ADARB2: variants seen among roughly 807,000 people sequenced by gnomAD.
ADARB2 encodes adenosine deaminase RNA specific B2 (inactive).
Under a neutral mutation model 62.2 loss-of-function variants are expected in ADARB2, and 25 were observed. The ratio of observed to expected loss-of-function variants is 0.40; its 90% confidence interval spans 0.29 to 0.56. The LOEUF (loss-of-function observed/expected upper bound fraction) is 0.56. ADARB2 is among the 20% of genes least tolerant of loss of function. The probability of loss-of-function intolerance (pLI) is 0.43; values close to 1 mark genes in which losing one functional copy is unlikely to be tolerated. For synonymous variants in ADARB2, 572 were observed against 500.8 expected, an observed-to-expected ratio of 1.14 and a Z score of -1.90; for missense variants, 1,071 against 1,077.4, an observed-to-expected ratio of 0.99 and a Z score of 0.08.
rs535267378 is a variant in ADARB2, at chr10:1,625,273, C to T, written c.100+111778G>A. Among the ~76,000 whole-genome samples, 229 of 152,304 alleles carry T rather than the reference C, an allele frequency of 1.5e-3. 1 individual carries two copies. Among genetic ancestry groups the T allele is most frequent in the Non-Finnish European group, 2.6e-3 (179 of 68,026 alleles). The stretch of plus-strand genomic sequence containing the variant: ...CCTGTGCGGAGCCTGAGGCTGAACT[C>T]GCCATCTTTACACTCCTTTAAGGGA... On this transcript the variant is annotated intron_variant, in intron 1 of 9. Coordinates refer to ENST00000381312, the MANE Select transcript of ADARB2 (RefSeq NM_018702.4).
rs1446702936 is a variant in ADARB2, at chr10:1,547,821, T to G, written c.101-168661A>C. Among the ~76,000 whole-genome samples, 4 of 145,182 alleles carry G rather than the reference T, an allele frequency of 2.8e-5. No individual in the cohort carries two copies. The East Asian group carries it at 6.1e-4, about 22-fold the overall frequency. On this transcript the variant is annotated intron_variant, in intron 1 of 9. Coordinates refer to ENST00000381312, the MANE Select transcript of ADARB2 (RefSeq NM_018702.4). ...CAAGAGGCTGCACAGGTGTATACAC[T>G]GTGGGGAGGGGGAGATAGGCATTGG...
chr10:1,720,289 C>T (rs1835073897), intron 1 of ADARB2, among the ~76,000 whole-genome samples: 1 of 152,122 alleles, frequency 6.6e-6, no homozygotes, highest in Admixed American at 6.5e-5. Context: ...AAACCAAATA[C>T]CACATGTTCT....
rs1832587143 is a variant in ADARB2, at chr10:1,393,470, A to AT, written c.101-14311dup. ...TAGGTCTTTTTCATTCTTCCCAGTT[A>AT]TTTTTTGTGGGTACGCATTAGCCAT... On this transcript the variant is annotated intron_variant, in intron 1 of 9. Transcript: ENST00000381312. Among the ~76,000 whole-genome samples the AT allele has an allele frequency of 2.0e-5, 3 of 152,204 alleles. No individual in the cohort carries two copies. The South Asian group carries it at 6.2e-4, about 32-fold the overall frequency.
At position 1,276,654 on chromosome 10, in the gene ADARB2, A is replaced by ATTGTG. The variant is rs1327749766; in HGVS notation, c.1078-5586_1078-5585insCACAA. Among the ~76,000 whole-genome samples, 98 of 152,300 alleles carry ATTGTG rather than the reference A, an allele frequency of 6.4e-4. No homozygotes were observed. In the Middle Eastern group the frequency reaches 0.01, roughly 16 times the overall value. ...AGACTTAGACTCCCAAACAATAATA[A>ATTGTG]CGGGAGACTTTAACACCCCACTGTC... On this transcript the variant is annotated intron_variant, in intron 3 of 9. Transcript: ENST00000381312.
chr10:1,266,065 T>TC (rs1180372707), intron 4 of ADARB2, among the ~76,000 whole-genome samples: 2 of 105,564 alleles, frequency 1.9e-5, no homozygotes, highest in Non-Finnish European at 3.8e-5. Flanking sequence ...AGGTCCACGC[T>TC]CCCCCGGAAG....
intron 2 of ADARB2, among the ~76,000 whole-genome samples, chr10:1,367,685 T>G (rs1381945993): frequency 1.3e-5 from 2 of 152,312 alleles, no homozygotes; most frequent in East Asian, 3.9e-4. Flanking sequence ...CATACCAGAT[T>G]GCATAGAGAT....
chr10:1,414,708 C>T (rs1193896982), intron 1 of ADARB2, among the ~76,000 whole-genome samples: 1 of 152,196 alleles, frequency 6.6e-6, no homozygotes, highest in African/African-American at 2.4e-5. Flanking sequence ...CACGATGGCC[C>T]CTGGTCCCAC....
At chr10:1,390,855 A>ACTCAGGC (rs1302683681) in intron 1 of ADARB2, among the ~76,000 whole-genome samples, 2 of 152,234 alleles carry the variant, frequency 1.3e-5, no homozygotes, top group African/African-American at 4.8e-5. Flanking sequence ...TGGGATCAGA[A>ACTCAGGC]CTGTGAGCCT....
Position 1,267,136 on chromosome 10 carries a change from TAAAA to T in ADARB2, c.1192+3815_1192+3818del, listed in dbSNP as rs551410020. Among the ~76,000 whole-genome samples, 7 of 129,534 alleles carry T rather than the reference TAAAA, an allele frequency of 5.4e-5. No homozygotes were observed. In the East Asian group the frequency reaches 6.8e-4, roughly 13 times the overall value. 85.0% of individuals were successfully genotyped at this position (129,534 alleles called of 152,430 possible). On this transcript the variant is annotated intron_variant, in intron 4 of 9. Transcript: ENST00000381312. ...CCTAAACATATTCTTAAATCCAAGTTAAAAAAAAAAAAAAAACCTTTCCCCCTCC... is the reference window on the plus strand; with the variant it reads ...CCTAAACATATTCTTAAATCCAAGTTAAAAAAAAAAAACCTTTCCCCCTCC...
At chr10:1,721,081 G>A (rs1005881658) in intron 1 of ADARB2, among the ~76,000 whole-genome samples, 9 of 152,322 alleles carry the variant, frequency 5.9e-5, no homozygotes, top group African/African-American at 2.2e-4. Context: ...CTCGCTTGAA[G>A]GAAATGCAGG....
intron 1 of ADARB2, among the ~76,000 whole-genome samples, chr10:1,494,100 C>G (rs1227929898): frequency 6.6e-6 from 1 of 152,016 alleles, no homozygotes; most frequent in African/African-American, 2.4e-5. Flanking sequence ...TTACAAGAGA[C>G]CAGAATGATC....
At chr10:1,221,574 C>T (rs1428857897) in intron 6 of ADARB2, among the ~76,000 whole-genome samples, 1 of 151,724 alleles carries the variant, frequency 6.6e-6, no homozygotes, top group Non-Finnish European at 1.5e-5. Context: ...CCCCTCACCC[C>T]ACCCCACCAC....
chr10:1,531,250 G>C (rs1334084543), intron 1 of ADARB2, among the ~76,000 whole-genome samples: 1 of 152,166 alleles, frequency 6.6e-6, no homozygotes, highest in Non-Finnish European at 1.5e-5. Context: ...TTGCCTTTTT[G>C]GGAGTGCAGG....
In ADARB2 at chr10:1,375,233, C is replaced by T. The variant is rs531574089; in HGVS notation, c.187+3841G>A. Among the ~76,000 whole-genome samples the T allele has an allele frequency of 3.3e-4, 50 of 152,300 alleles. 1 individual carries two copies. Among genetic ancestry groups the T allele is most frequent in the Middle Eastern group, 6.8e-3 (2 of 294 alleles). On this transcript the variant is annotated intron_variant, in intron 2 of 9. Coordinates refer to ENST00000381312, the MANE Select transcript of ADARB2 (RefSeq NM_018702.4). ...ACTGGGTCGGATCCCAACCTCTGGG[C>T]GGTGGTCAGCAGAGAGGTTACAGTG...
At chr10:1,531,395 G>C (rs1832237809) in intron 1 of ADARB2, among the ~76,000 whole-genome samples, 1 of 152,222 alleles carries the variant, frequency 6.6e-6, no homozygotes, top group African/African-American at 2.4e-5. Flanking sequence ...TGGGCCTCTG[G>C]CTGTTGACAG....
At chr10:1,192,446 G>T (rs1670201149) in intron 8 of ADARB2, among the ~76,000 whole-genome samples, 1 of 152,160 alleles carries the variant, frequency 6.6e-6, no homozygotes. Flanking sequence ...TTATGGATTT[G>T]GGGTAACTAA....
intron 1 of ADARB2, among the ~76,000 whole-genome samples, chr10:1,710,915 G>A (rs1834942476): frequency 6.6e-6 from 1 of 151,744 alleles, no homozygotes; most frequent in South Asian, 2.1e-4. Context: ...CCTGTCCGGT[G>A]GTCCTGCAGG....
intron 3 of ADARB2, among the ~76,000 whole-genome samples, chr10:1,328,145 C>T (rs376900883): frequency 2.6e-5 from 4 of 152,314 alleles, no homozygotes; most frequent in East Asian, 3.9e-4. Context: ...GCGCAGGCTC[C>T]GGAAATGTTG....
rs112179593 is a variant in ADARB2 at position 1,378,956 on chromosome 10, A to G, written c.187+118T>C. ...GAGAGCAGATACTGTCTCTCCAGGT[A>G]AGACCAAACAGACCCTCCCAGATGA... On this transcript the variant is annotated intron_variant, in intron 2 of 9. Coordinates refer to ENST00000381312, the MANE Select transcript of ADARB2 (RefSeq NM_018702.4). The G allele has an allele frequency of 8.0e-4, 649 of 813,842 alleles. 6 individuals carry two copies. In the African/African-American group the frequency reaches 9.7e-3, roughly 12 times the overall value. The allele number at this position is 813,842 out of a possible 1,614,324, so 50.4% of individuals were successfully genotyped here.
Sources: gnomAD v4.1 joint callset for allele counts (sites outside exome capture counted in the v4.1 genomes callset) on GRCh38, gnomAD v4.1.1 for gene constraint, MANE v1.5 for transcripts, NCBI Gene and HGNC (gene_info 2026-07-23, HGNC 2026-07-21) for gene names.